COL24A1: variants seen among roughly 807,000 people sequenced by gnomAD.
COL24A1 encodes collagen type XXIV alpha 1 chain.
Under a neutral mutation model 253.9 loss-of-function variants are expected in COL24A1, and 224 were observed. The ratio of observed to expected loss-of-function variants is 0.88; its 90% CI spans 0.79 to 0.99. The LOEUF is 0.99. Ranked by LOEUF, COL24A1 falls within the 50% of genes least tolerant of loss-of-function variation. The pLI is 0.00. For missense variants in COL24A1, 2,131 were observed against 2,068.5 expected (o/e 1.03, Z -0.59); for synonymous variants, 685 against 673.7 (o/e 1.02, Z -0.26).
rs5775877 is a variant in COL24A1 at position 85,907,157 on chromosome 1, G to GC, written c.2778+36_2778+37insG. 3 of 1,447,702 alleles carry GC rather than the reference G, an allele frequency of 2.1e-6. No individual in the cohort carries two copies. The Admixed American group carries it at 6.2e-5, about 30-fold the overall frequency. The allele number at this position is 1,447,702 out of a possible 1,614,324, so 89.7% of individuals were successfully genotyped here. On this transcript the variant is annotated intron_variant, in intron 28 of 59. Coordinates refer to ENST00000370571, the MANE Select transcript of COL24A1 (RefSeq NM_152890.7). ...TTTCCACTATTTATGAAGTAATTTTGGGGGGGTTAATGTACTTTTTTCCTT... is the reference window on the plus strand; with the variant it reads ...TTTCCACTATTTATGAAGTAATTTTGCGGGGGGTTAATGTACTTTTTTCCTT...
At chr1:86,010,599 A>G (rs563356198) in intron 19 of COL24A1, among the ~76,000 whole-genome samples, 2 of 152,294 alleles carry the variant, frequency 1.3e-5, no homozygotes, top group Admixed American at 6.5e-5. Context: ...GCAATTCACC[A>G]TGAAGATACA....
At chr1:85,764,224 T>A (rs1390008005) in intron 53 of COL24A1, among the ~76,000 whole-genome samples, 1 of 152,044 alleles carries the variant, frequency 6.6e-6, no homozygotes, top group East Asian at 1.9e-4. Context: ...CATCTCATTC[T>A]TTTCCCCCAA....
intron 24 of COL24A1, among the ~76,000 whole-genome samples, chr1:85,923,682 G>A (rs762034621): frequency 4.5e-4 from 68 of 152,130 alleles, no homozygotes; most frequent in Non-Finnish European, 9.4e-4. Context: ...TGTGTAGAGG[G>A]AAATTTAGAG....
intron 58 of COL24A1, 39 bp downstream of exon 58, chr1:85,737,357 G>T: frequency 8.0e-7 from 1 of 1,244,798 alleles, no homozygotes; most frequent in South Asian, 1.3e-5. Context: ...CTGATACTGT[G>T]CAATATAACG....
At chr1:86,110,444 C>T (rs538213773) in intron 5 of COL24A1, among the ~76,000 whole-genome samples, 7 of 152,182 alleles carry the variant, frequency 4.6e-5, no homozygotes, top group Admixed American at 2.0e-4. Context: ...TTGGCCTCAG[C>T]GTCCACTCTG....
In COL24A1 at chr1:85,805,856, A is replaced by G. The variant is rs565443318; in HGVS notation, c.3951+10932T>C. Among the ~76,000 whole-genome samples the G allele has an allele frequency of 2.6e-4, 39 of 152,288 alleles. No individual in the cohort carries two copies. In the East Asian group the frequency reaches 7.2e-3, roughly 28 times the overall value. On this transcript the variant is annotated intron_variant, in intron 47 of 59. Transcript: ENST00000370571. ...TTTGGGAGGCCGAGGTGGGCGGATC[A>G]CGAGGTCAGGAGATCGAGACCATCC...
At chr1:85,804,733 C>T (rs567662535) in intron 47 of COL24A1, among the ~76,000 whole-genome samples, 57 of 152,290 alleles carry the variant, frequency 3.7e-4, no homozygotes, top group African/African-American at 1.3e-3. Context: ...AGTCATCTCC[C>T]ACCAGGTCCC....
Position 86,000,652 on chromosome 1 carries a change from A to T in COL24A1, c.2311-12998T>A, listed in dbSNP as rs118083826. On this transcript the variant is annotated intron_variant, in intron 19 of 59. Coordinates refer to ENST00000370571, the MANE Select transcript of COL24A1 (RefSeq NM_152890.7). ...AAGTTTAAAAGCATGCTTTTACTTG[A>T]TATAGCCAGATTTTTGAAACTCACT... Among the ~76,000 whole-genome samples the T allele has an allele frequency of 2.0e-5, 3 of 152,346 alleles. No homozygotes were observed. In the East Asian group the frequency reaches 5.8e-4, roughly 29 times the overall value.
intron 5 of COL24A1, among the ~76,000 whole-genome samples, chr1:86,105,029 T>C (rs920849528): frequency 6.6e-6 from 1 of 152,138 alleles, no homozygotes; most frequent in Non-Finnish European, 1.5e-5. Flanking sequence ...GTGTGTGCCC[T>C]CCGTACATGT....
chr1:85,746,130 A>C (rs1269784501), intron 55 of COL24A1, among the ~76,000 whole-genome samples: 3 of 152,158 alleles, frequency 2.0e-5, no homozygotes, highest in Non-Finnish European at 4.4e-5. Flanking sequence ...TTTTAAAAAA[A>C]TTATCTTAGA....
chr1:85,831,532 C>G (rs1675284696), intron 43 of COL24A1, among the ~76,000 whole-genome samples: 1 of 151,858 alleles, frequency 6.6e-6, no homozygotes, highest in South Asian at 2.1e-4. Flanking sequence ...TGACTATGAC[C>G]ATTTTTCTGT....
At chr1:85,839,510 G>A (rs1044272471) in intron 42 of COL24A1, among the ~76,000 whole-genome samples, 1 of 151,698 alleles carries the variant, frequency 6.6e-6, no homozygotes, top group African/African-American at 2.4e-5. Context: ...GATCCCTTGA[G>A]CTCAAGGGTT....
rs116021803 is a variant in COL24A1 at position 86,135,899 on chromosome 1, C to A, written c.122-9685G>T. Among the ~76,000 whole-genome samples the A allele has an allele frequency of 1.7e-3, 256 of 152,122 alleles. 3 individuals carry two copies. Among genetic ancestry groups the A allele is most frequent in the African/African-American group, 6.0e-3 (249 of 41,534 alleles). On this transcript the variant is annotated intron_variant, in intron 2 of 59. Coordinates refer to ENST00000370571, the MANE Select transcript of COL24A1 (RefSeq NM_152890.7). Reference sequence around the variant, plus strand: ...TTGTGCTGTGCCAACTCCTTTTGCTCATTAATTCCTAGCCTAGCAACTTAT... The same window carrying A: ...TTGTGCTGTGCCAACTCCTTTTGCTAATTAATTCCTAGCCTAGCAACTTAT...
At chr1:86,006,775 C>G (rs906761955) in intron 19 of COL24A1, among the ~76,000 whole-genome samples, 4 of 151,902 alleles carry the variant, frequency 2.6e-5, no homozygotes, top group Admixed American at 2.6e-4. Flanking sequence ...ATACAAAGAA[C>G]TCTGAAAACT....
In COL24A1 at chr1:85,841,251, G is replaced by GTAA. The variant is rs756077080; in HGVS notation, c.3597_3598insTTA (p.Leu1200dup). 2.5e-6 allele frequency: 4 copies of GTAA among 1,603,310 alleles called. No individual in the cohort carries two copies. In the Admixed American group the frequency reaches 6.9e-5, roughly 28 times the overall value. ...TCACCTCGAGGCCCAGGTGGTCCTA[G>GTAA]GACTGTGCTATCTTCTCCTGGGTAG... is the stretch of plus-strand genomic sequence containing the variant. On this transcript the variant is annotated inframe_insertion, in exon 42 of 60. Transcript: ENST00000370571.
intron 35 of COL24A1, among the ~76,000 whole-genome samples, chr1:85,869,924 C>T (rs1181809039): frequency 1.3e-5 from 2 of 152,088 alleles, no homozygotes; most frequent in East Asian, 3.9e-4. Flanking sequence ...AGAGTCAAGA[C>T]CCATCAGTGT....
chr1:85,802,566 T>G (rs1671546247), intron 47 of COL24A1, among the ~76,000 whole-genome samples: 1 of 152,186 alleles, frequency 6.6e-6, no homozygotes, highest in African/African-American at 2.4e-5. Flanking sequence ...GATATTTATC[T>G]CTATATACCT....
At chr1:85,949,020 TTCA>T (rs1297559076) in intron 24 of COL24A1, among the ~76,000 whole-genome samples, 3 of 152,196 alleles carry the variant, frequency 2.0e-5, no homozygotes, top group Non-Finnish European at 4.4e-5. Context: ...TTGACAATTT[TTCA>T]TCTTTTCAGT....
intron 37 of COL24A1, among the ~76,000 whole-genome samples, chr1:85,858,621 C>CCTTCCTTCCT (rs1553201493): frequency 3.5e-5 from 4 of 113,270 alleles, no homozygotes; most frequent in African/African-American, 1.2e-4. Context: ...TATTTTCTCC[C>CCTTCCTTCCT]TCCTTCCTTC....
Sources: allele counts gnomAD v4.1 joint callset (sites outside exome capture counted in the v4.1 genomes callset), GRCh38; gene constraint gnomAD v4.1.1; transcripts MANE v1.5; gene names NCBI Gene and HGNC (gene_info 2026-07-23, HGNC 2026-07-21).